The following MEF2C variants were observed in gnomAD, a reference collection of about 807,000 sequenced individuals.
MEF2C encodes the protein myocyte-specific enhancer factor 2C.
In MEF2C, 6 loss-of-function variants were observed where a neutral mutation model predicts 50.5. The observed-to-expected ratio is 0.12, with a 90% CI of 0.07 to 0.23. The LOEUF (loss-of-function observed/expected upper bound fraction) is 0.23. MEF2C is among the 10% of genes least tolerant of loss of function. The probability of loss-of-function intolerance (pLI) is 1.00; values close to 1 mark genes in which losing one functional copy is unlikely to be tolerated. For missense variants in MEF2C, 276 were observed against 605.0 expected, an observed-to-expected ratio of 0.46 and a Z score of 5.70; for synonymous variants, 183 against 228.0, an observed-to-expected ratio of 0.80 and a Z score of 1.78.
At chr5:88,836,102 G>A (rs1034200889) in intron 1 of MEF2C, among the ~76,000 whole-genome samples, 8 of 151,726 alleles carry the variant, frequency 5.3e-5, no homozygotes, top group African/African-American at 1.9e-4. Context: ...TTTAAAATAG[G>A]GTAAGTTATA....
chr5:88,750,539 T>C (rs1772231783), intron 5 of MEF2C, among the ~76,000 whole-genome samples: 1 of 152,086 alleles, frequency 6.6e-6, no homozygotes. Flanking sequence ...GTTTATTATT[T>C]CCAATCAGAT....
chr5:88,783,892 A>G (rs1363818042), intron 3 of MEF2C, among the ~76,000 whole-genome samples: 1 of 152,228 alleles, frequency 6.6e-6, no homozygotes, highest in Non-Finnish European at 1.5e-5. Context: ...GCATCAATAT[A>G]AAGTTCTGTA....
At chr5:88,748,227 T>C in intron 6 of MEF2C, 1 of 978,554 alleles carries the variant, frequency 1.0e-6, no homozygotes, top group Non-Finnish European at 1.2e-6. Flanking sequence ...ATATTTTAAT[T>C]AGGCTATCCA....
At chr5:88,734,875 C>T (rs1449328684) in intron 6 of MEF2C, 1 of 977,804 alleles carries the variant, frequency 1.0e-6, no homozygotes, top group African/African-American at 1.8e-5. Flanking sequence ...ATATTTTGAA[C>T]CATGATGACA....
At chr5:88,732,065 G>A (rs1581397502) in intron 6 of MEF2C, among the ~76,000 whole-genome samples, 164 bp from the exon 7 acceptor site, 1 of 152,190 alleles carries the variant, frequency 6.6e-6, no homozygotes, top group Non-Finnish European at 1.5e-5. Context: ...ACCCAATTAA[G>A]TATTCAATAG....
In MEF2C at chr5:88,744,043, T is replaced by G. The variant is rs188332662; in HGVS notation, c.637+5027A>C. Reference sequence around the variant, plus strand: ...ATTTCTTTTTTCTCTTTTTTTGATCTCAACTATGAATCAATAACTCCTTGA... The same window carrying G: ...ATTTCTTTTTTCTCTTTTTTTGATCGCAACTATGAATCAATAACTCCTTGA... On this transcript the variant is annotated intron_variant, in intron 6 of 10. Transcript: ENST00000504921. 4.1e-6 allele frequency: 4 copies of G among 974,792 alleles called. No homozygotes were observed. The Admixed American group carries it at 1.8e-4, about 45-fold the overall frequency. 60.4% of individuals were successfully genotyped at this position (974,792 alleles called of 1,614,324 possible).
At chr5:88,861,768 T>C (rs1825612349) in intron 1 of MEF2C, among the ~76,000 whole-genome samples, 1 of 152,230 alleles carries the variant, frequency 6.6e-6, no homozygotes. Context: ...TTTCACCTTG[T>C]GATATTTACT....
At chr5:88,822,750 T>C (rs1808992053) in intron 2 of MEF2C, among the ~76,000 whole-genome samples, 1 of 152,098 alleles carries the variant, frequency 6.6e-6, no homozygotes, top group African/African-American at 2.4e-5. Context: ...AATTACAGTC[T>C]GGTGGTTGTC....
chr5:88,738,917 T>A, intron 6 of MEF2C: 1 of 985,034 alleles, frequency 1.0e-6, no homozygotes, highest in Non-Finnish European at 1.2e-6. Flanking sequence ...TGAGTTTAGC[T>A]ACACTGAACA....
intron 6 of MEF2C, chr5:88,736,656 G>A (rs1181635106): frequency 1.0e-6 from 1 of 985,168 alleles, no homozygotes; most frequent in African/African-American, 1.7e-5. Flanking sequence ...GCATTTGTGT[G>A]ATGCTAACCA....
At chr5:88,898,716 T>C (rs1223012145) in intron 1 of MEF2C, among the ~76,000 whole-genome samples, 1 of 152,168 alleles carries the variant, frequency 6.6e-6, no homozygotes, top group Non-Finnish European at 1.5e-5. Context: ...AATACATTAA[T>C]CATGTTTTAA....
At position 88,752,826 on chromosome 5, in the gene MEF2C, A is replaced by G. The variant is rs1000001992; in HGVS notation, c.403-783T>C. ...TTATTTTGTCAATTTAAGCAAAATCATGTTTATGTTTCTGCTGTACTAACT... is the reference window on the plus strand; with the variant it reads ...TTATTTTGTCAATTTAAGCAAAATCGTGTTTATGTTTCTGCTGTACTAACT... On this transcript the variant is annotated intron_variant, in intron 4 of 10. Transcript: ENST00000504921. 4.3e-6 allele frequency: 4 copies of G among 922,600 alleles called. No homozygotes were observed. The African/African-American group carries it at 5.4e-5, about 12-fold the overall frequency. 57.2% of individuals were successfully genotyped at this position (922,600 alleles called of 1,614,324 possible).
At chr5:88,748,992 A>G (rs1771292494) in intron 6 of MEF2C, 78 bp downstream of exon 6, 2 of 1,548,950 alleles carry the variant, frequency 1.3e-6, no homozygotes, top group Non-Finnish European at 1.7e-6. Context: ...TATTTGTTCA[A>G]AAGACTTTGT....
chr5:88,818,809 C>T (rs574444326), intron 2 of MEF2C, among the ~76,000 whole-genome samples: 1 of 152,034 alleles, frequency 6.6e-6, no homozygotes, highest in South Asian at 2.1e-4. Context: ...AAATAAAACC[C>T]TCATGAAATG....
At position 88,718,694 on chromosome 5, in the gene MEF2C, AG is replaced by A. The variant is rs1755303942; in HGVS notation, c.*3909del. On this transcript the variant is annotated 3_prime_UTR_variant, in exon 11 of 11. Transcript: ENST00000504921. Reference sequence around the variant, plus strand: ...TAACTGACCTCTCTGAATTAAACTGAGGTATGAATCAATTTGAGGTATGAAC... The same window carrying A: ...TAACTGACCTCTCTGAATTAAACTGAGTATGAATCAATTTGAGGTATGAAC... 1 of 152,232 alleles carries A rather than the reference AG, an allele frequency of 6.6e-6. No homozygotes were observed. The highest frequency in any genetic ancestry group is 2.1e-4 in the South Asian group (1 of 4,832). The allele number at this position is 152,232 out of a possible 1,614,324, so 9.4% of individuals were successfully genotyped here.
intron 6 of MEF2C, among the ~76,000 whole-genome samples, chr5:88,732,297 G>A (rs1762034903): frequency 6.6e-6 from 1 of 152,156 alleles, no homozygotes; most frequent in African/African-American, 2.4e-5. Context: ...CACTGGTTTG[G>A]GTTTTATTTT....
At chr5:88,754,525 T>C (rs997505819) in intron 4 of MEF2C, among the ~76,000 whole-genome samples, 1 of 152,192 alleles carries the variant, frequency 6.6e-6, no homozygotes, top group African/African-American at 2.4e-5. Context: ...TCTCTAGATC[T>C]AGAACACTGG....
chr5:88,772,815 C>A, intron 3 of MEF2C: 1 of 985,430 alleles, frequency 1.0e-6, no homozygotes, highest in Non-Finnish European at 1.2e-6. Flanking sequence ...CTATAGTGAT[C>A]TGACAGCAAT....
chr5:88,763,347 A>C (rs1327089042), intron 3 of MEF2C, among the ~76,000 whole-genome samples: 1 of 152,206 alleles, frequency 6.6e-6, no homozygotes, highest in East Asian at 1.9e-4. Flanking sequence ...TACTATAAAG[A>C]ACATCACAAT....
Sources: gnomAD v4.1 joint callset for allele counts (sites outside exome capture counted in the v4.1 genomes callset) on GRCh38, gnomAD v4.1.1 for gene constraint, MANE v1.5 for transcripts, NCBI Gene and HGNC (gene_info 2026-07-23, HGNC 2026-07-21) for gene names.